SLC49A3: variants seen among roughly 807,000 people sequenced by gnomAD.
SLC49A3 encodes the protein solute carrier family 49 member 3.
Under a neutral mutation model 43.8 loss-of-function variants are expected in SLC49A3, and 50 were observed. The ratio of observed to expected loss-of-function variants is 1.14; its 90% CI spans 0.91 to 1.45. The LOEUF (loss-of-function observed/expected upper bound fraction) is 1.45. SLC49A3 is among the 40% of genes most tolerant of loss of function. The pLI is 0.00. For synonymous variants in SLC49A3, 413 were observed against 352.0 expected (o/e 1.17, Z -1.94); for missense variants, 906 against 774.1 (o/e 1.17, Z -2.02).
chr4:686,754 A>G, intron 1 of SLC49A3, 64 bp from the exon 2 acceptor site: 1 of 1,558,200 alleles, frequency 6.4e-7, no homozygotes, highest in Non-Finnish European at 8.7e-7. Context: ...CTGTGGCCCC[A>G]GCCAGCCCGA....
rs1560166380 is a variant in SLC49A3, at chr4:683,299, G to A, written c.1062C>T (p.Phe354=). 1 of 1,612,698 alleles carries A rather than the reference G, an allele frequency of 6.2e-7. No individual in the cohort carries two copies. The highest frequency in any genetic ancestry group is 2.2e-5 in the East Asian group (1 of 44,880). The stretch of plus-strand genomic sequence containing the variant: ...ACTCCATGGCCACGGGGCCCACCGA[G>A]AAGCCAAACAGCCCGAGCAGCGAGC... ...ATCSLLGLFG[F]SVGPVAMELA... Residue 354 remains phenylalanine, a synonymous_variant, in exon 8 of 10, where the codon TTC becomes TTT. Transcript: ENST00000322224.
downstream of SLC49A3, chr4:681,099 C>T: frequency 1.9e-6 from 3 of 1,603,926 alleles, no homozygotes; most frequent in South Asian, 1.1e-5. Flanking sequence ...CAGCATCAAG[C>T]GTCTGCTGAT....
chr4:681,265 C>T, downstream of SLC49A3: 1 of 1,151,066 alleles, frequency 8.7e-7, no homozygotes, highest in South Asian at 1.4e-5. Context: ...CAGAACAGGC[C>T]CCCGGGGGGC....
chr4:688,311 G>A (rs980186936), intron 1 of SLC49A3, among the ~76,000 whole-genome samples: 1 of 152,148 alleles, frequency 6.6e-6, no homozygotes, highest in Non-Finnish European at 1.5e-5. Context: ...GAGGCCCCGG[G>A]GTCCACCTGG....
In SLC49A3 at chr4:686,442, C is replaced by T. The variant is rs940922638; in HGVS notation, c.294+90G>A. ...GTCCCCAGCTGTTGGGACTGGTGGG[C>T]CCCGGTCTGGGGAGGCCTTGACTCT... On this transcript the variant is annotated intron_variant, in intron 2 of 9. Transcript: ENST00000322224. 4 of 1,564,200 alleles carry T rather than the reference C, an allele frequency of 2.6e-6. No individual in the cohort carries two copies. The African/African-American group carries it at 4.1e-5, about 16-fold the overall frequency.
downstream of SLC49A3, chr4:680,676 G>C: frequency 7.3e-7 from 1 of 1,363,288 alleles, no homozygotes; most frequent in Non-Finnish European, 1.0e-6. Context: ...GCCACCAGAT[G>C]CCACGCCCAC....
Position 685,871 on chromosome 4 carries a change from A to G in SLC49A3, c.549T>C (p.Pro183=), listed in dbSNP as rs553038273. ...TGTCCTCACCCTTCTTGACCAGCAC[A>G]GGGGACAGCACATTGGCCACAAGGA... ...LGVLVANVLS[P]VLVKKGEDIP... The change falls in exon 4 of 10, where the codon CCT becomes CCC. Residue 183 remains proline (P), a synonymous_variant. Transcript: ENST00000322224. The surrounding 1 kb of genome is among the most constrained non-coding windows in gnomAD (Gnocchi z 4.3). The G allele has an allele frequency of 1.5e-5, 25 of 1,613,938 alleles. No homozygotes were observed. In the African/African-American group the frequency reaches 3.3e-4, roughly 22 times the overall value.
In SLC49A3 at chr4:682,229, C is replaced by T; in HGVS notation, c.1409G>A (p.Gly470Asp). 1 of 1,381,212 alleles carries T rather than the reference C, an allele frequency of 7.2e-7. No homozygotes were observed. The highest frequency in any genetic ancestry group is 9.5e-7 in the Non-Finnish European group (1 of 1,056,726). 85.6% of individuals were successfully genotyped at this position (1,381,212 alleles called of 1,614,324 possible). Residue 470 changes from glycine (G) to aspartate (D), a missense_variant, in exon 10 of 10, where the codon GGT (glycine) becomes GAT (aspartate). Coordinates refer to ENST00000322224, the MANE Select transcript of SLC49A3 (RefSeq NM_032219.4). ...CCTTCCTGCTCCCCCTCGGTCCACACCCGGCCCTGAGTCTGCGCCGCCCAC... is the reference window on the plus strand; with the variant it reads ...CCTTCCTGCTCCCCCTCGGTCCACATCCGGCCCTGAGTCTGCGCCGCCCAC... ...NAVGGADSGP[G>D]VDRGGAGRAG... is the part of the protein sequence containing the mutation.
chr4:685,712 C>G lies in SLC49A3; in HGVS notation c.585+123G>C. 1 of 1,021,422 alleles carries G rather than the reference C, an allele frequency of 9.8e-7. No individual in the cohort carries two copies. The highest frequency in any genetic ancestry group is 1.5e-6 in the Non-Finnish European group (1 of 681,612). 63.3% of individuals were successfully genotyped at this position (1,021,422 alleles called of 1,614,324 possible). ...CAGGCTGAGACTCCTTCTCGGGTGG[C>G]GGGGCGGGGGACGGGAATCACACAC... On this transcript the variant is annotated intron_variant, in intron 4 of 9. Transcript: ENST00000322224. This position sits in a 1 kb window ranked among gnomAD's most constrained non-coding sequence, Gnocchi z 4.3.
chr4:688,824 C>G lies in SLC49A3; in HGVS notation c.135+169G>C, dbSNP rs150122500. 1.5e-5 allele frequency: 17 copies of G among 1,168,296 alleles called. No homozygotes were observed. In the African/African-American group the frequency reaches 2.3e-4, roughly 16 times the overall value. The allele number at this position is 1,168,296 out of a possible 1,614,324, so 72.4% of individuals were successfully genotyped here. A position where few individuals can be genotyped will look rare whatever the true frequency, so the allele number is the denominator to read the frequency against. On this transcript the variant is annotated intron_variant, in intron 1 of 9. Coordinates refer to ENST00000322224, the MANE Select transcript of SLC49A3 (RefSeq NM_032219.4). ...CTCTGTGCCCTGGGCCCAGCCACCTCCAGGACAGACAGTGCCCCCAGTGCC... is the reference window on the plus strand; with the variant it reads ...CTCTGTGCCCTGGGCCCAGCCACCTGCAGGACAGACAGTGCCCCCAGTGCC...
rs372475288 is a variant in SLC49A3 at position 686,576 on chromosome 4, C to T, written c.250G>A (p.Val84Met). 22 of 1,613,194 alleles carry T rather than the reference C, an allele frequency of 1.4e-5. 1 individual carries two copies. Among genetic ancestry groups the T allele is most frequent in the Middle Eastern group, 1.6e-4 (1 of 6,062 alleles). Residue 84 changes from valine to methionine, a missense_variant, in exon 2 of 10, where the codon GTG becomes ATG. Physicochemically the swap from Val to Met is conservative, Grantham distance 21. Coordinates refer to ENST00000322224, the MANE Select transcript of SLC49A3 (RefSeq NM_032219.4). ...VYLVVSTPFG[V>M]AAIWILDSVG... ...GAGTCCAGGATCCAGATGGCCGCCACGCCAAATGGGGTGGATACCACGAGG... is the reference window on the plus strand; with the variant it reads ...GAGTCCAGGATCCAGATGGCCGCCATGCCAAATGGGGTGGATACCACGAGG...
At position 685,897 on chromosome 4, in the gene SLC49A3, C is replaced by T. The variant is rs757186731; in HGVS notation, c.523G>A (p.Val175Ile). 2.9e-5 allele frequency: 47 copies of T among 1,613,886 alleles called. No individual in the cohort carries two copies. Among genetic ancestry groups the T allele is most frequent in the Admixed American group, 1.8e-4 (11 of 60,010 alleles). Residue 175 changes from valine to isoleucine, a missense_variant, in exon 4 of 10, where the codon GTC (valine) becomes ATC (isoleucine). Val to Ile is a conservative substitution (Grantham distance 29). Transcript: ENST00000322224. The surrounding 1 kb of genome is among the most constrained non-coding windows in gnomAD (Gnocchi z 4.3). Reference protein sequence around the residue: ...MLATMSNPLGVLVANVLSPVL... With the variant: ...MLATMSNPLGILVANVLSPVL... Reference sequence around the variant, plus strand: ...GGGGACAGCACATTGGCCACAAGGACGCCCAGAGGGTTCGCTGGGTGGGCG... The same window carrying T: ...GGGGACAGCACATTGGCCACAAGGATGCCCAGAGGGTTCGCTGGGTGGGCG...
At position 682,109 on chromosome 4, in the gene SLC49A3, G is replaced by A; in HGVS notation, c.1529C>T (p.Ala510Val). 1.5e-6 allele frequency: 2 copies of A among 1,365,720 alleles called. No homozygotes were observed. The highest frequency in any genetic ancestry group is 1.8e-5 in the South Asian group (1 of 55,868). The allele number at this position is 1,365,720 out of a possible 1,614,324, so 84.6% of individuals were successfully genotyped here. ...DPRGPGSPHP[A>V]CHRATPRAQG... is the part of the protein sequence containing the mutation. Reference sequence around the variant, plus strand: ...CGCACGGGGAGTCGCTCGGTGGCAGGCTGGGTGGGGGCTCCCGGGCCCTCT... The same window carrying A: ...CGCACGGGGAGTCGCTCGGTGGCAGACTGGGTGGGGGCTCCCGGGCCCTCT... Residue 510 changes from alanine (A) to valine (V), a missense_variant, in exon 10 of 10, where the codon GCC (alanine) becomes GTC (valine). By Grantham distance (64) the Ala-to-Val change is moderately conservative. Coordinates refer to ENST00000322224, the MANE Select transcript of SLC49A3 (RefSeq NM_032219.4).
In SLC49A3 at chr4:686,708, G is replaced by T; in HGVS notation, c.136-18C>A. 1 of 1,609,216 alleles carries T rather than the reference G, an allele frequency of 6.2e-7. No individual in the cohort carries two copies. On this transcript the variant is annotated intron_variant, in intron 1 of 9. Coordinates refer to ENST00000322224, the MANE Select transcript of SLC49A3 (RefSeq NM_032219.4). Reference sequence around the variant, plus strand: ...AGCCACAGCTGCAGGGGTCAGGCGGGAGTCAGCGCAGGGCCACAGACCCCG... The same window carrying T: ...AGCCACAGCTGCAGGGGTCAGGCGGTAGTCAGCGCAGGGCCACAGACCCCG...
chr4:679,206 A>G, downstream of SLC49A3: 2 of 732,528 alleles, frequency 2.7e-6, no homozygotes, highest in Non-Finnish European at 4.9e-6. Context: ...GTTCCATCAG[A>G]GCTGGCAGAG....
rs1740645641 is a variant in SLC49A3 at position 684,774 on chromosome 4, G to A, written c.668C>T (p.Pro223Leu). The change falls in exon 5 of 10, where the codon CCC becomes CTC. Residue 223 changes from proline (P) to leucine (L), a missense_variant. Physicochemically the swap from Pro to Leu is moderately conservative, Grantham distance 98. Coordinates refer to ENST00000322224, the MANE Select transcript of SLC49A3 (RefSeq NM_032219.4). Reference protein sequence around the residue: ...CLWESVPPTPPSAGAASSTSE... With the variant: ...CLWESVPPTPLSAGAASSTSE... ...GGTGGAGCTGGCAGCCCCGGCAGAG[G>A]GCGGGGTGGGGGGCACACTCTCCCA... 1.2e-6 allele frequency: 2 copies of A among 1,612,444 alleles called. No homozygotes were observed. The highest frequency in any genetic ancestry group is 1.1e-5 in the South Asian group (1 of 91,072).
In SLC49A3 at chr4:686,701, C is replaced by G. The variant is rs766544092; in HGVS notation, c.136-11G>C. On this transcript the variant is annotated splice_polypyrimidine_tract_variant and intron_variant, in intron 1 of 9. Coordinates refer to ENST00000322224, the MANE Select transcript of SLC49A3 (RefSeq NM_032219.4). The stretch of plus-strand genomic sequence containing the variant: ...AAAGCTGAGCCACAGCTGCAGGGGT[C>G]AGGCGGGAGTCAGCGCAGGGCCACA... 1 of 1,610,966 alleles carries G rather than the reference C, an allele frequency of 6.2e-7. No homozygotes were observed. Among genetic ancestry groups the G allele is most frequent in the Non-Finnish European group, 8.5e-7 (1 of 1,179,016 alleles).
Position 686,280 on chromosome 4 carries a change from T to C in SLC49A3, c.317A>G (p.Asn106Ser). Residue 106 changes from asparagine to serine, a missense_variant, in exon 3 of 10, where the codon AAC becomes AGC. Coordinates refer to ENST00000322224, the MANE Select transcript of SLC49A3 (RefSeq NM_032219.4). ...RAATILGAWLNFAGSVLRMVP... is the reference protein window; with the variant it reads ...RAATILGAWLSFAGSVLRMVP... ...CATGCGTAGCACACTCCCGGCAAAG[T>C]TCAGCCACGCACCCAGGATGGTCTG... 6.2e-7 allele frequency: 1 copy of C among 1,613,292 alleles called. No homozygotes were observed. The highest frequency in any genetic ancestry group is 8.5e-7 in the Non-Finnish European group (1 of 1,179,992).
downstream of SLC49A3, chr4:678,750 C>T: frequency 6.2e-7 from 1 of 1,611,042 alleles, no homozygotes; most frequent in Non-Finnish European, 8.5e-7. Context: ...AGACTCAGAT[C>T]CAGGAGTTCA....
Sources: allele counts gnomAD v4.1 joint callset (sites outside exome capture counted in the v4.1 genomes callset), GRCh38; gene constraint gnomAD v4.1.1; non-coding constraint Gnocchi (gnomAD v3.1); transcripts MANE v1.5; gene names NCBI Gene and HGNC (gene_info 2026-07-23, HGNC 2026-07-21).